The following RIN2 variants were observed in gnomAD, a reference collection of about 807,000 sequenced individuals.
RIN2 encodes the protein RAB5 interacting protein 2.
Under a neutral mutation model 78.0 loss-of-function variants are expected in RIN2, and 36 were observed. That is an observed-to-expected ratio of 0.46 (90% CI 0.35 to 0.61). RIN2 has a LOEUF of 0.61. RIN2 is among the 20% of genes least tolerant of loss of function. RIN2 has a pLI of 0.00. For synonymous variants in RIN2, 466 were observed against 466.8 expected, an observed-to-expected ratio of 1.00 and a Z score of 0.02; for missense variants, 1,087 against 1,159.7, an observed-to-expected ratio of 0.94 and a Z score of 0.91.
intron 3 of RIN2, among the ~76,000 whole-genome samples, chr20:19,922,899 C>T (rs2039984156): frequency 6.6e-6 from 1 of 152,192 alleles, no homozygotes; most frequent in Non-Finnish European, 1.5e-5. Flanking sequence ...AGTCACTCAG[C>T]CCTCCCCCCA....
rs1555782861 is a variant in RIN2, at chr20:19,880,270, A to C, written c.-36-9296A>C. On this transcript the variant is annotated intron_variant, in intron 2 of 12. Coordinates refer to ENST00000255006, the MANE Select transcript of RIN2 (RefSeq NM_018993.4). ...TGTCTTAAAAAAAAAAAAAAAAAAA[A>C]TTTCCAGCATGTTTTGTGGGTCAAC... Among the ~76,000 whole-genome samples the C allele has an allele frequency of 3.5e-5, 5 of 142,676 alleles. No individual in the cohort carries two copies. In the South Asian group the frequency reaches 1.1e-3, roughly 32 times the overall value. 93.6% of individuals were successfully genotyped at this position (142,676 alleles called of 152,430 possible). A position where few individuals can be genotyped will look rare whatever the true frequency, so the allele number is the denominator to read the frequency against.
At chr20:19,908,490 C>CAAAA (rs11482794) in intron 3 of RIN2, among the ~76,000 whole-genome samples, 8 of 110,754 alleles carry the variant, frequency 7.2e-5, no homozygotes, top group Non-Finnish European at 7.9e-5. Context: ...GACTCCGTCT[C>CAAAA]AAAAAAAAAA....
chr20:19,956,257 C>CAAAAAAA (rs11483774), intron 4 of RIN2, among the ~76,000 whole-genome samples: 5 of 50,666 alleles, frequency 9.9e-5, no homozygotes, highest in Admixed American at 4.2e-4. Flanking sequence ...GACTCCATCT[C>CAAAAAAA]AAAAAAAAAA....
chr20:19,974,941 T>TCC lies in RIN2; in HGVS notation c.922_923dup (p.Pro309HisfsTer39). The TCC allele has an allele frequency of 1.3e-6, 2 of 1,571,264 alleles. No individual in the cohort carries two copies. Among genetic ancestry groups the TCC allele is most frequent in the Non-Finnish European group, 8.7e-7 (1 of 1,144,084 alleles). ...CGCGAATGGCACGGAGCGGACTCGG[T>TCC]CCCCCCCACCCAGGCCCCCGCCACC... On this transcript the variant is annotated frameshift_variant, in exon 9 of 13. Coordinates refer to ENST00000255006, the MANE Select transcript of RIN2 (RefSeq NM_018993.4). LOFTEE classifies it high-confidence loss of function.
intron 7 of RIN2, among the ~76,000 whole-genome samples, chr20:19,967,598 A>G (rs418251): frequency 0.45 from 68,813 of 152,088 alleles, 16,904 homozygotes; most frequent in East Asian, 0.85. Context: ...GAAAAGTGTC[A>G]TTGAGAATAC....
chr20:19,849,234 A>G (rs1239303670), intron 2 of RIN2, among the ~76,000 whole-genome samples: 1 of 152,160 alleles, frequency 6.6e-6, no homozygotes, highest in African/African-American at 2.4e-5. Context: ...AGGTTTTACT[A>G]TTTTGCCATC....
At chr20:19,889,006 C>A in intron 2 of RIN2, 1 of 431,116 alleles carries the variant, frequency 2.3e-6, no homozygotes, top group Non-Finnish European at 3.1e-6. Context: ...CTTCCGTGAA[C>A]TGATCCCTGT....
chr20:19,802,508 G>A (rs2035273484), intron 2 of RIN2, among the ~76,000 whole-genome samples: 2 of 152,068 alleles, frequency 1.3e-5, no homozygotes, highest in East Asian at 1.9e-4. Flanking sequence ...GAGTTCCTGG[G>A]GCTTGGCCTC....
chr20:19,853,495 A>C (rs931123168), intron 2 of RIN2, among the ~76,000 whole-genome samples: 1 of 152,222 alleles, frequency 6.6e-6, no homozygotes, highest in Non-Finnish European at 1.5e-5. Flanking sequence ...TTACAGTCCC[A>C]CCAACAGTGT....
intron 3 of RIN2, among the ~76,000 whole-genome samples, chr20:19,915,204 TG>T (rs1164174945): frequency 6.6e-6 from 1 of 152,102 alleles, no homozygotes; most frequent in Admixed American, 6.5e-5. Context: ...AAAGTTCATG[TG>T]GGAGAGTAGG....
chr20:19,979,621 T>C (rs1183492591), intron 9 of RIN2, among the ~76,000 whole-genome samples: 1 of 152,096 alleles, frequency 6.6e-6, no homozygotes, highest in African/African-American at 2.4e-5. Context: ...TTTTTTGTTT[T>C]TGTTTTTGTT....
intron 2 of RIN2, among the ~76,000 whole-genome samples, chr20:19,819,610 A>G (rs1428773354): frequency 6.6e-6 from 1 of 152,236 alleles, no homozygotes; most frequent in East Asian, 1.9e-4. Flanking sequence ...ATCACGGCTC[A>G]CTGTAACCTC....
chr20:19,897,976 A>G (rs2038811474), intron 3 of RIN2, among the ~76,000 whole-genome samples: 1 of 152,140 alleles, frequency 6.6e-6, no homozygotes, highest in Non-Finnish European at 1.5e-5. Context: ...AGCCTCCCAA[A>G]GTGCTGGGAT....
intron 2 of RIN2, among the ~76,000 whole-genome samples, chr20:19,855,083 G>A (rs1416312106): frequency 6.6e-6 from 1 of 152,026 alleles, no homozygotes; most frequent in Non-Finnish European, 1.5e-5. Context: ...GAGAGTTTTT[G>A]GCATGAAGGG....
chr20:19,966,181 A>G (rs1351224825), intron 7 of RIN2, among the ~76,000 whole-genome samples: 1 of 152,200 alleles, frequency 6.6e-6, no homozygotes, highest in Non-Finnish European at 1.5e-5. Flanking sequence ...GTTTTCAGAC[A>G]TCACTTCTCA....
intron 2 of RIN2, among the ~76,000 whole-genome samples, chr20:19,814,759 A>G (rs1349196102): frequency 6.8e-6 from 1 of 146,728 alleles, no homozygotes; most frequent in African/African-American, 2.5e-5. Context: ...TACCCAGCTA[A>G]TTTTTTTTTT....
At chr20:19,819,665 G>C (rs1341835728) in intron 2 of RIN2, among the ~76,000 whole-genome samples, 1 of 152,142 alleles carries the variant, frequency 6.6e-6, no homozygotes, top group Non-Finnish European at 1.5e-5. Flanking sequence ...CCTCCTGGTA[G>C]CTGGGACCAC....
rs150985976 is a variant in RIN2 at position 19,884,288 on chromosome 20, G to A, written c.-36-5278G>A. Among the ~76,000 whole-genome samples the A allele has an allele frequency of 4.9e-3, 740 of 152,138 alleles. 1 individual carries two copies. Among genetic ancestry groups the A allele is most frequent in the Middle Eastern group, 0.017 (5 of 294 alleles). ...AAAAATAAAAAGATGAGTTGAATGT[G>A]GTAGCACACACTGGTAGTCTCAGCT... On this transcript the variant is annotated intron_variant, in intron 2 of 12. Transcript: ENST00000255006.
intron 2 of RIN2, chr20:19,872,110 A>G (rs2123372226): frequency 6.6e-6 from 1 of 152,152 alleles, no homozygotes; most frequent in African/African-American, 2.4e-5. Flanking sequence ...CTGAGTGCTC[A>G]CGAGATCTGA....
Sources: gnomAD v4.1 joint callset for allele counts (sites outside exome capture counted in the v4.1 genomes callset) on GRCh38, gnomAD v4.1.1 for gene constraint, MANE v1.5 for transcripts, NCBI Gene and HGNC (gene_info 2026-07-23, HGNC 2026-07-21) for gene names.